NDEL1: variants seen among roughly 807,000 people sequenced by gnomAD.
NDEL1 encodes the protein nudE neurodevelopment protein 1 like 1, also known as nuclear distribution protein nudE-like 1.
NDEL1 carries 9 observed loss-of-function variants against 45.7 expected under a neutral mutation model. The observed-to-expected ratio is 0.20, with a 90% CI of 0.12 to 0.34. The LOEUF (loss-of-function observed/expected upper bound fraction) is 0.34, where lower values mean the gene tolerates loss of function less well. NDEL1 is among the 10% of genes least tolerant of loss of function. The probability of loss-of-function intolerance (pLI) is 1.00; values close to 1 mark genes in which losing one functional copy is unlikely to be tolerated. For missense variants in NDEL1, 306 were observed against 406.2 expected, an observed-to-expected ratio of 0.75 and a Z score of 2.12; for synonymous variants, 133 against 158.6, an observed-to-expected ratio of 0.84 and a Z score of 1.21.
chr17:8,414,558 C>T (rs1452122882), intron 1 of NDEL1, among the ~76,000 whole-genome samples: 1 of 152,040 alleles, frequency 6.6e-6, no homozygotes, highest in Non-Finnish European at 1.5e-5. Flanking sequence ...TCCCAGCTAC[C>T]CGGGAGGCTG....
rs1911535221 is a variant in NDEL1, at chr17:8,465,672, C to T, written c.945-1258C>T. On this transcript the variant is annotated intron_variant, in intron 8 of 8. Transcript: ENST00000334527. The surrounding 1 kb of genome is among the most constrained non-coding windows in gnomAD (Gnocchi z 4.9). ...TTAAGGAGAACCTCTCTCCATGAGT[C>T]TGTATTTAGCTCCCTGGAGCCGTCT... The T allele has an allele frequency of 6.6e-6, 1 of 151,784 alleles. No individual in the cohort carries two copies. The highest frequency in any genetic ancestry group is 2.1e-4 in the South Asian group (1 of 4,814). 9.4% of individuals were successfully genotyped at this position (151,784 alleles called of 1,614,324 possible).
At chr17:8,442,324 T>A (rs1473207618) in intron 1 of NDEL1, among the ~76,000 whole-genome samples, 7 of 152,250 alleles carry the variant, frequency 4.6e-5, no homozygotes, top group African/African-American at 1.7e-4. Flanking sequence ...TTTTGCTTAC[T>A]CCATTCCTGA....
intron 1 of NDEL1, chr17:8,436,632 A>G (rs927349359): frequency 1.3e-5 from 2 of 152,318 alleles, no homozygotes; most frequent in African/African-American, 4.8e-5. Flanking sequence ...GGCTCGGGTT[A>G]CTTGTGCTCG....
intron 1 of NDEL1, among the ~76,000 whole-genome samples, chr17:8,430,675 CCATGCCTCGG>C (rs1908978518): frequency 6.6e-6 from 1 of 152,192 alleles, no homozygotes; most frequent in African/African-American, 2.4e-5. Flanking sequence ...GTACTGGGAC[CCATGCCTCGG>C]CAAACCCCTT....
chr17:8,432,353 A>ATATATATTT (rs1567722399), upstream of NDEL1, among the ~76,000 whole-genome samples: 7 of 5,868 alleles, frequency 1.2e-3, no homozygotes, highest in Non-Finnish European at 6.8e-3. Context: ...TATAAATATA[A>ATATATATTT]ATATAAATAT....
At chr17:8,473,988 G>C (rs1465387579) in intron 3 of NDEL1, among the ~76,000 whole-genome samples, 1 of 152,230 alleles carries the variant, frequency 6.6e-6, no homozygotes, top group African/African-American at 2.4e-5. Context: ...CTGCCTTTGG[G>C]TGGTCTTTCC....
upstream of NDEL1, among the ~76,000 whole-genome samples, chr17:8,435,670 C>G (rs201904900): frequency 6.6e-6 from 1 of 152,232 alleles, no homozygotes; most frequent in African/African-American, 2.4e-5. Flanking sequence ...GGGAACTGCA[C>G]AAGCCAAAAC....
intron 1 of NDEL1, among the ~76,000 whole-genome samples, chr17:8,441,693 C>T (rs1431393063): frequency 6.6e-6 from 1 of 152,048 alleles, no homozygotes; most frequent in Non-Finnish European, 1.5e-5. Context: ...GTGCTCTATG[C>T]TATCTGTTCT....
chr17:8,449,274 C>T (rs917756080), intron 5 of NDEL1, among the ~76,000 whole-genome samples: 1 of 152,190 alleles, frequency 6.6e-6, no homozygotes, highest in Non-Finnish European at 1.5e-5. Context: ...AGCCACCGCG[C>T]CTGGCCCCAT....
At chr17:8,452,740 C>CTTTTTTTTTTTTTTTTTTTTTTTTTTTTT in intron 6 of NDEL1, among the ~76,000 whole-genome samples, 3 of 95,628 alleles carry the variant, frequency 3.1e-5, no homozygotes, top group Non-Finnish European at 6.0e-5. Flanking sequence ...TTTTTCTTCT[C>CTTTTTTTTTTTTTTTTTTTTTTTTTTTTT]TTTTTTTTTT....
At chr17:8,446,066 G>C in intron 3 of NDEL1, 1 of 398,102 alleles carries the variant, frequency 2.5e-6, no homozygotes, top group Non-Finnish European at 4.3e-6. Flanking sequence ...TAGAAACTTT[G>C]TAGTTGTCAC....
chr17:8,464,401 C>G (rs1911440015), intron 8 of NDEL1: 1 of 152,188 alleles, frequency 6.6e-6, no homozygotes, highest in Non-Finnish European at 1.5e-5. Flanking sequence ...TCTTCTCTTG[C>G]AAATCTTTTC....
At chr17:8,448,480 A>C in intron 4 of NDEL1, 70 bp from the exon 5 acceptor site, 4 of 1,481,848 alleles carry the variant, frequency 2.7e-6, no homozygotes, top group Non-Finnish European at 3.7e-6. Flanking sequence ...ATAAACTGAC[A>C]GTTTCCTTTT....
chr17:8,441,175 A>G (rs62063360), intron 1 of NDEL1, among the ~76,000 whole-genome samples: 4,854 of 152,278 alleles, frequency 0.032, 102 homozygotes, highest in Middle Eastern at 0.065. Flanking sequence ...AGCACTAGGC[A>G]CTCAGCCCCA....
At position 8,427,698 on chromosome 17, in the gene NDEL1, ACT is replaced by A. The variant is rs796779065; in HGVS notation, c.-13+14432_-13+14433del. Among the ~76,000 whole-genome samples, 34 of 152,182 alleles carry A rather than the reference ACT, an allele frequency of 2.2e-4. 1 individual carries two copies. The highest frequency in any genetic ancestry group is 7.5e-4 in the African/African-American group (31 of 41,504). On this transcript the variant is annotated intron_variant, in intron 1 of 4. Transcript: ENST00000582812. ...ACTCCAGCCTGGGCGACAGAGCAAG[ACT>A]CTGTCTCAAAACAAAAACAAAAAAC...
At chr17:8,471,006 C>T (rs969127843), downstream of NDEL1, among the ~76,000 whole-genome samples, 17 of 152,168 alleles carry the variant, frequency 1.1e-4, no homozygotes, top group African/African-American at 3.9e-4. Flanking sequence ...AGGGAGCACC[C>T]GGTAGCCAGC....
At chr17:8,452,721 TTTC>T in intron 6 of NDEL1, among the ~76,000 whole-genome samples, 1 of 145,800 alleles carries the variant, frequency 6.9e-6, no homozygotes, top group Non-Finnish European at 1.5e-5. Flanking sequence ...CTTTCTTTCT[TTTC>T]TTTTCTTTTT....
intron 2 of NDEL1, 46 bp downstream of exon 2, chr17:8,444,403 A>G (rs751825819): frequency 8.0e-7 from 1 of 1,245,496 alleles, no homozygotes; most frequent in Non-Finnish European, 1.2e-6. Flanking sequence ...CATTTGGAAT[A>G]CACCGTGTCT....
intron 1 of NDEL1, among the ~76,000 whole-genome samples, chr17:8,414,422 C>T (rs982850419): frequency 6.6e-6 from 1 of 152,168 alleles, no homozygotes; most frequent in Non-Finnish European, 1.5e-5. Flanking sequence ...AATCCCAGCA[C>T]TTTGGGAGGC....
Sources: gnomAD v4.1 joint callset for allele counts (sites outside exome capture counted in the v4.1 genomes callset) on GRCh38, gnomAD v4.1.1 for gene constraint, Gnocchi (gnomAD v3.1) non-coding constraint, MANE v1.5 for transcripts, NCBI Gene and HGNC (gene_info 2026-07-23, HGNC 2026-07-21) for gene names.